The following RANBP2 variants were observed in gnomAD, a reference collection of about 807,000 sequenced individuals.
RANBP2 encodes the protein E3 SUMO-protein ligase RanBP2.
Under a neutral mutation model 303.6 loss-of-function variants are expected in RANBP2, and 57 were observed. The ratio of observed to expected loss-of-function variants is 0.19; its 90% CI spans 0.15 to 0.23. The LOEUF is 0.23. Among genes scored for constraint, RANBP2 ranks in the 10% least tolerant of loss-of-function variants. RANBP2 has a pLI of 1.00. For synonymous variants in RANBP2, 1,167 were observed against 1,301.5 expected, an observed-to-expected ratio of 0.90 and a Z score of 2.23; for missense variants, 3,138 against 3,780.8, an observed-to-expected ratio of 0.83 and a Z score of 4.46.
the RANBP2 span, chr2:108,912,667 A>T: frequency 1.3e-6 from 2 of 1,578,356 alleles, no homozygotes; most frequent in Non-Finnish European, 1.7e-6. Flanking sequence ...ATACCTGAGC[A>T]CCCTCCTCAC....
the RANBP2 span, among the ~76,000 whole-genome samples, chr2:109,738,910 C>A: frequency 6.0e-5 from 9 of 151,120 alleles, no homozygotes; most frequent in Non-Finnish European, 5.9e-5. Flanking sequence ...AGTCTTTAAT[C>A]TATTTTGGTT....
At chr2:108,775,014 C>T (rs557027654) in intron 23 of RANBP2, among the ~76,000 whole-genome samples, 1 of 152,220 alleles carries the variant, frequency 6.6e-6, no homozygotes, top group East Asian at 1.9e-4. Flanking sequence ...TTAAAAAAAG[C>T]TTAAATTATG....
At chr2:109,387,456 G>A in the RANBP2 span, among the ~76,000 whole-genome samples, 1 of 152,060 alleles carries the variant, frequency 6.6e-6, no homozygotes, top group Non-Finnish European at 1.5e-5. Context: ...AGCCACTCTG[G>A]CCTTCTTGCT....
the RANBP2 span, among the ~76,000 whole-genome samples, chr2:108,853,748 A>T: frequency 6.9e-6 from 1 of 144,332 alleles, no homozygotes; most frequent in Non-Finnish European, 1.5e-5. Flanking sequence ...CTGGTCTCAA[A>T]CTCCTGGGCT....
At chr2:109,261,260 C>G in the RANBP2 span, among the ~76,000 whole-genome samples, 1 of 152,078 alleles carries the variant, frequency 6.6e-6, no homozygotes, top group Admixed American at 6.5e-5. Flanking sequence ...TCAAGCAGAA[C>G]AAAGCAATGA....
chr2:109,646,267 C>T, the RANBP2 span, among the ~76,000 whole-genome samples: 83 of 152,092 alleles, frequency 5.5e-4, no homozygotes, highest in African/African-American at 1.9e-3. Flanking sequence ...ACGCTCACAT[C>T]GGGTGCAAAA....
the RANBP2 span, among the ~76,000 whole-genome samples, chr2:108,892,055 T>C: frequency 1.3e-5 from 2 of 152,088 alleles, no homozygotes; most frequent in African/African-American, 2.4e-5. Context: ...GGCACCACCA[T>C]TGGTGGCCAG....
At chr2:109,432,140 TC>T in the RANBP2 span, among the ~76,000 whole-genome samples, 1 of 152,108 alleles carries the variant, frequency 6.6e-6, no homozygotes. Flanking sequence ...ACACTGGAAA[TC>T]CAAAGAGCTG....
chr2:108,819,618 G>A, the RANBP2 span, among the ~76,000 whole-genome samples: 1 of 152,184 alleles, frequency 6.6e-6, no homozygotes, highest in African/African-American at 2.4e-5. Flanking sequence ...ACACATAGAA[G>A]CCCAGAGAAG....
chr2:108,720,024 C>T (rs1694102566), intron 1 of RANBP2: 1 of 985,190 alleles, frequency 1.0e-6, no homozygotes, highest in African/African-American at 1.7e-5. Flanking sequence ...GGGGCTTGGG[C>T]ACCCGGGTGC....
chr2:109,676,459 T>C, the RANBP2 span, among the ~76,000 whole-genome samples: 1 of 152,230 alleles, frequency 6.6e-6, no homozygotes, highest in South Asian at 2.1e-4. Flanking sequence ...CGGGGCGGGC[T>C]GCTCAGTGTT....
At chr2:108,831,342 G>A in the RANBP2 span, among the ~76,000 whole-genome samples, 1 of 152,152 alleles carries the variant, frequency 6.6e-6, no homozygotes, top group Non-Finnish European at 1.5e-5. Context: ...GCCACCCTAT[G>A]AATGAGGACC....
the RANBP2 span, among the ~76,000 whole-genome samples, chr2:109,237,508 C>T: frequency 1.3e-5 from 2 of 152,192 alleles, no homozygotes; most frequent in East Asian, 1.9e-4. Flanking sequence ...GTCCAACCCG[C>T]GGCCTGCAGG....
chr2:109,294,123 C>T, the RANBP2 span, among the ~76,000 whole-genome samples: 1 of 152,176 alleles, frequency 6.6e-6, no homozygotes, highest in African/African-American at 2.4e-5. Context: ...GCTCCTTGGG[C>T]CCCTCCATGT....
chr2:108,720,079 T>C (rs1466602832), intron 1 of RANBP2: 5 of 984,606 alleles, frequency 5.1e-6, no homozygotes, highest in Non-Finnish European at 6.0e-6. Context: ...ATACTTTATA[T>C]GCTGCGGCGG....
the RANBP2 span, among the ~76,000 whole-genome samples, chr2:109,362,887 C>G: frequency 6.6e-6 from 1 of 152,040 alleles, no homozygotes; most frequent in Non-Finnish European, 1.5e-5. Context: ...ATATGGATAT[C>G]TTTTGATTAG....
the RANBP2 span, among the ~76,000 whole-genome samples, chr2:109,586,875 T>C: frequency 6.6e-6 from 1 of 152,166 alleles, no homozygotes; most frequent in Admixed American, 6.5e-5. Context: ...AGGCTCAACA[T>C]GATCAATGTG....
At chr2:109,445,369 G>A in the RANBP2 span, among the ~76,000 whole-genome samples, 2 of 152,152 alleles carry the variant, frequency 1.3e-5, no homozygotes, top group Non-Finnish European at 2.9e-5. Flanking sequence ...AAAAATCCAA[G>A]CCTAAACATG....
the RANBP2 span, among the ~76,000 whole-genome samples, chr2:109,518,550 C>T: frequency 6.6e-6 from 1 of 152,212 alleles, no homozygotes. Context: ...CTCTAAGAAC[C>T]ATTGCCTTGT....
Sources: gnomAD v4.1 joint callset for allele counts (sites outside exome capture counted in the v4.1 genomes callset) on GRCh38, gnomAD v4.1.1 for gene constraint, MANE v1.5 for transcripts, NCBI Gene and HGNC (gene_info 2026-07-23, HGNC 2026-07-21) for gene names.